CAPN3: variants seen among roughly 807,000 people sequenced by gnomAD.
CAPN3 encodes calpain 3.
A neutral mutation model predicts 114.0 loss-of-function variants in CAPN3; 88 were observed. The ratio of observed to expected loss-of-function variants is 0.77; its 90% CI spans 0.65 to 0.92. The LOEUF is 0.92. CAPN3 is among the 40% of genes least tolerant of loss of function. The pLI, the probability that CAPN3 is intolerant of heterozygous loss-of-function variation, is 0.00. For synonymous variants in CAPN3, 386 were observed against 382.9 expected (o/e 1.01, Z -0.09); for missense variants, 1,028 against 1,069.0 (o/e 0.96, Z 0.53).
intron 16 of CAPN3, 71 bp downstream of exon 16, chr15:42,408,395 A>C: frequency 1.1e-6 from 1 of 903,986 alleles, no homozygotes; most frequent in Non-Finnish European, 1.8e-6. Context: ...TGGGATACAC[A>C]GGGGCTGGAG....
intron 3 of CAPN3, 34 bp downstream of exon 3, chr15:42,386,319 C>A: frequency 7.0e-7 from 1 of 1,436,132 alleles, no homozygotes; most frequent in Non-Finnish European, 9.8e-7. Flanking sequence ...AGAGGGCCAG[C>A]GGCAGGCCAC....
At chr15:42,372,141 T>C (rs184868850) in intron 1 of CAPN3, among the ~76,000 whole-genome samples, 1 of 152,104 alleles carries the variant, frequency 6.6e-6, no homozygotes, top group Non-Finnish European at 1.5e-5. Flanking sequence ...AGTTTTATAA[T>C]TTTCTCAGTG....
At chr15:42,403,087 C>A in intron 13 of CAPN3, 85 bp downstream of exon 13, 2 of 1,107,008 alleles carry the variant, frequency 1.8e-6, no homozygotes, top group Non-Finnish European at 2.7e-6. Flanking sequence ...CAGCTAGACA[C>A]GTCTCCTCCA....
At chr15:42,375,516 G>C (rs115941833) in intron 1 of CAPN3, among the ~76,000 whole-genome samples, 1,607 of 152,040 alleles carry the variant, frequency 0.011, 26 homozygotes, top group African/African-American at 0.036. Context: ...CTCCAAAAAG[G>C]GTTCACTGCA....
intron 16 of CAPN3, chr15:42,408,640 C>T (rs986466607): frequency 2.1e-5 from 8 of 385,960 alleles, no homozygotes; most frequent in Non-Finnish European, 1.5e-5. Context: ...AGGCGCAACT[C>T]TTGTCTCCTG....
intron 8 of CAPN3, among the ~76,000 whole-genome samples, chr15:42,395,023 C>T (rs1195036845): frequency 6.6e-6 from 1 of 152,138 alleles, no homozygotes; most frequent in Non-Finnish European, 1.5e-5. Flanking sequence ...TGGCAGGACT[C>T]AGTAGAGGAG....
rs863224958 is a variant in CAPN3 at position 42,359,951 on chromosome 15, G to A, written c.146G>A (p.Arg49His). The A allele has an allele frequency of 8.1e-6, 13 of 1,614,154 alleles. No homozygotes were observed. Among genetic ancestry groups the A allele is most frequent in the Non-Finnish European group, 1.0e-5 (12 of 1,180,020 alleles). ...PSGIYSAIIS[R>H]NFPIIGVKEK... The stretch of plus-strand genomic sequence containing the variant: ...GGCATCTATTCAGCCATCATCAGCC[G>A]CAATTTTCCTATTATCGGAGTGAAA... Residue 49 changes from arginine to histidine, a missense_variant, in exon 1 of 24, where the codon CGC (arginine) becomes CAC (histidine). By Grantham distance (29) the Arg-to-His change is conservative. Transcript: ENST00000397163.
chr15:42,380,751 A>ATATATATATATATATTTTTTTTT, intron 1 of CAPN3, among the ~76,000 whole-genome samples: 1 of 64,456 alleles, frequency 1.6e-5, no homozygotes, highest in African/African-American at 8.9e-5. Context: ...ATATATATAT[A>ATATATATATATATATTTTTTTTT]TTTTTTTTTT....
intron 1 of CAPN3, among the ~76,000 whole-genome samples, chr15:42,376,552 T>G (rs1230844764): frequency 2.6e-5 from 2 of 75,952 alleles, no homozygotes; most frequent in African/African-American, 1.4e-3. Flanking sequence ...GTTTGTGGGT[T>G]TTTTTTTTTT....
At chr15:42,377,527 C>T (rs2053121123) in intron 1 of CAPN3, among the ~76,000 whole-genome samples, 1 of 152,122 alleles carries the variant, frequency 6.6e-6, no homozygotes, top group African/African-American at 2.4e-5. Flanking sequence ...ATAAATCCCA[C>T]TTGGTCATGG....
At chr15:42,401,980 TAG>T in intron 11 of CAPN3, 142 bp from the exon 12 acceptor site, 1 of 1,309,530 alleles carries the variant, frequency 7.6e-7, no homozygotes. Context: ...GGGGGGGCAT[TAG>T]AGAGGCAGTG....
chr15:42,360,701 C>T (rs747379909), intron 1 of CAPN3, among the ~76,000 whole-genome samples: 8 of 152,124 alleles, frequency 5.3e-5, no homozygotes, highest in Admixed American at 2.0e-4. Flanking sequence ...TACCTCACCT[C>T]ATAAGTGAGG....
chr15:42,401,618 G>T (rs376462406), intron 10 of CAPN3, 23 bp from the exon 11 acceptor site: 3 of 1,613,826 alleles, frequency 1.9e-6, no homozygotes, highest in Non-Finnish European at 2.5e-6. Flanking sequence ...CTGTGAATGC[G>T]TGCTTCCTTT....
intron 7 of CAPN3, 39 bp from the exon 8 acceptor site, chr15:42,394,217 G>C (rs2053631388): frequency 6.6e-7 from 1 of 1,526,448 alleles, no homozygotes; most frequent in Admixed American, 2.0e-5. Flanking sequence ...CCTTTCCAGA[G>C]AGGCTGCAGA....
At chr15:42,375,958 C>G (rs2053079513) in intron 1 of CAPN3, among the ~76,000 whole-genome samples, 1 of 152,168 alleles carries the variant, frequency 6.6e-6, no homozygotes, top group Non-Finnish European at 1.5e-5. Context: ...TCTGCCTTCT[C>G]TGGTGTTTTA....
intron 1 of CAPN3, chr15:42,374,114 C>G (rs1012229626): frequency 6.6e-6 from 1 of 152,662 alleles, no homozygotes; most frequent in African/African-American, 2.4e-5. Flanking sequence ...CCCTAGACCA[C>G]GGGCTCAGGG....
At chr15:42,406,087 GC>G in intron 15 of CAPN3, 144 bp downstream of exon 15, 1 of 778,796 alleles carries the variant, frequency 1.3e-6, no homozygotes, top group South Asian at 1.5e-5. Flanking sequence ...TTCTGCTGGG[GC>G]CGAGCGTGCA....
At chr15:42,364,178 G>A (rs1407825066) in intron 1 of CAPN3, among the ~76,000 whole-genome samples, 1 of 152,162 alleles carries the variant, frequency 6.6e-6, no homozygotes, top group Non-Finnish European at 1.5e-5. Context: ...CCCAGGCTCT[G>A]AGGTCAGATA....
In CAPN3 at chr15:42,410,592, T is replaced by A; in HGVS notation, c.2189T>A (p.Ile730Asn). ...CCTCAAATTTTCTATTGCCAGAAAA[T>A]TTTCAAACACTATGACACAGACCAG... ...LWNKIKAWQK[I>N]FKHYDTDQSG... The change falls in exon 21 of 24, where the codon ATT (isoleucine) becomes AAT (asparagine). Residue 730 changes from isoleucine to asparagine, a missense_variant. Physicochemically the swap from Ile to Asn is moderately radical, Grantham distance 149 (BLOSUM62 -3). Coordinates refer to ENST00000397163, the MANE Select transcript of CAPN3 (RefSeq NM_000070.3). 1 of 1,613,202 alleles carries A rather than the reference T, an allele frequency of 6.2e-7. No homozygotes were observed. Among genetic ancestry groups the A allele is most frequent in the Non-Finnish European group, 8.5e-7 (1 of 1,179,826 alleles).
Sources: gnomAD v4.1 joint callset for allele counts (sites outside exome capture counted in the v4.1 genomes callset) on GRCh38, gnomAD v4.1.1 for gene constraint, MANE v1.5 for transcripts, NCBI Gene and HGNC (gene_info 2026-07-23, HGNC 2026-07-21) for gene names.